The following SUPT3H variants were observed in gnomAD, a reference collection of about 807,000 sequenced individuals.
The protein encoded by SUPT3H is transcription initiation protein SPT3 homolog.
In SUPT3H, 44 loss-of-function variants were observed where a neutral mutation model predicts 44.3. That is an observed-to-expected ratio of 0.99 (90% CI 0.78 to 1.28). The LOEUF (loss-of-function observed/expected upper bound fraction) is 1.28. Among genes scored for constraint, SUPT3H ranks in the 50% most tolerant of loss-of-function variants. The pLI is 0.00. For missense variants in SUPT3H, 380 were observed against 387.1 expected (o/e 0.98, Z 0.15); for synonymous variants, 124 against 125.6 (o/e 0.99, Z 0.09).
chr6:45,147,229 T>C (rs1194596248), intron 2 of SUPT3H, among the ~76,000 whole-genome samples: 1 of 152,092 alleles, frequency 6.6e-6, no homozygotes, highest in East Asian at 1.9e-4. Flanking sequence ...TACTACATTA[T>C]ATTGTCGAGA....
At chr6:45,322,785 T>C (rs1785713855) in intron 2 of SUPT3H, 1 of 865,794 alleles carries the variant, frequency 1.2e-6, no homozygotes, top group Non-Finnish European at 2.0e-6. Context: ...AAAGGCTGTG[T>C]GTGGTCTCGC....
chr6:44,816,982 G>A (rs1325538954), intron 11 of SUPT3H, among the ~76,000 whole-genome samples: 2 of 152,062 alleles, frequency 1.3e-5, no homozygotes, highest in African/African-American at 4.8e-5. Context: ...GATGGCTTGA[G>A]CCCAGGAGTT....
chr6:44,952,300 T>C (rs1292582951), intron 9 of SUPT3H, among the ~76,000 whole-genome samples: 12 of 152,224 alleles, frequency 7.9e-5, no homozygotes, highest in Non-Finnish European at 1.6e-4. Flanking sequence ...AATCTGAAAC[T>C]GTAGGCAAAA....
intron 3 of SUPT3H, among the ~76,000 whole-genome samples, chr6:45,101,505 G>A (rs1402800389): frequency 6.6e-6 from 1 of 152,182 alleles, no homozygotes; most frequent in Non-Finnish European, 1.5e-5. Flanking sequence ...AAAGGGAAGT[G>A]GAGAGAAAGG....
At chr6:44,846,446 A>T (rs613208) in intron 10 of SUPT3H, among the ~76,000 whole-genome samples, 7,196 of 152,284 alleles carry the variant, frequency 0.047, 242 homozygotes, top group South Asian at 0.13. Flanking sequence ...GAGGAACCTC[A>T]GAGCCCTTCA....
intron 2 of SUPT3H, among the ~76,000 whole-genome samples, chr6:45,155,708 G>A (rs1407295405): frequency 6.6e-6 from 1 of 151,984 alleles, no homozygotes; most frequent in African/African-American, 2.4e-5. Flanking sequence ...GTCATGCTAC[G>A]CCTCCTTTTC....
intron 2 of SUPT3H, 82 bp downstream of exon 2, chr6:45,365,119 T>C (rs972532563): frequency 1.1e-5 from 9 of 822,368 alleles, no homozygotes; most frequent in Non-Finnish European, 1.7e-5. Context: ...AGTTAAGTTT[T>C]ATAAATGTTG....
intron 2 of SUPT3H, among the ~76,000 whole-genome samples, chr6:45,312,031 T>A (rs763745304): frequency 3.9e-5 from 6 of 152,138 alleles, no homozygotes; most frequent in Admixed American, 1.3e-4. Context: ...ACATACAGAA[T>A]TGCAGAATAG....
At chr6:45,225,934 C>T (rs1051370033) in intron 2 of SUPT3H, among the ~76,000 whole-genome samples, 20 of 152,022 alleles carry the variant, frequency 1.3e-4, no homozygotes, top group African/African-American at 4.8e-4. Context: ...AAACATGGAG[C>T]CAACTGTTTA....
intron 2 of SUPT3H, among the ~76,000 whole-genome samples, chr6:45,125,811 G>T (rs1213565891): frequency 1.5e-5 from 2 of 135,958 alleles, no homozygotes; most frequent in African/African-American, 5.9e-5. Context: ...AAGAACTATT[G>T]ACCTTAAACT....
intron 10 of SUPT3H, among the ~76,000 whole-genome samples, chr6:44,833,277 C>CAA (rs1298921437): frequency 3.3e-5 from 5 of 152,228 alleles, no homozygotes; most frequent in African/African-American, 1.2e-4. Flanking sequence ...GGTTTTGGTT[C>CAA]TATTGTCTGA....
intron 2 of SUPT3H, among the ~76,000 whole-genome samples, chr6:45,252,779 C>T (rs1029575030): frequency 6.6e-6 from 1 of 151,916 alleles, no homozygotes; most frequent in Non-Finnish European, 1.5e-5. Flanking sequence ...GGTAGAGCAA[C>T]AAGACAAATG....
intron 2 of SUPT3H, among the ~76,000 whole-genome samples, chr6:45,175,974 AT>A (rs552858177): frequency 1.2e-3 from 176 of 152,284 alleles, no homozygotes; most frequent in African/African-American, 4.0e-3. Context: ...TATCTCCAAT[AT>A]AACTGAATTT....
intron 10 of SUPT3H, among the ~76,000 whole-genome samples, chr6:44,865,394 G>A (rs561212067): frequency 1.4e-4 from 22 of 151,882 alleles, no homozygotes; most frequent in Middle Eastern, 3.4e-3. Flanking sequence ...CCCACTCCTG[G>A]TACCCATTTA....
intron 10 of SUPT3H, among the ~76,000 whole-genome samples, chr6:44,830,943 A>G (rs191997214): frequency 3.8e-4 from 58 of 151,602 alleles, no homozygotes; most frequent in Admixed American, 3.1e-3. Flanking sequence ...CTATGGAGGC[A>G]GTGAAATCTT....
chr6:45,051,999 C>T (rs553798725), intron 3 of SUPT3H, among the ~76,000 whole-genome samples: 17 of 152,182 alleles, frequency 1.1e-4, no homozygotes, highest in African/African-American at 1.7e-4. Context: ...GGATCATGCA[C>T]ATGGCTACTG....
intron 2 of SUPT3H, among the ~76,000 whole-genome samples, chr6:45,339,272 G>A (rs758587829): frequency 6.6e-6 from 1 of 152,060 alleles, no homozygotes; most frequent in Non-Finnish European, 1.5e-5. Flanking sequence ...ATTACCTGGG[G>A]AGTAAGTCTT....
At chr6:45,162,219 T>C (rs1809107292) in intron 2 of SUPT3H, among the ~76,000 whole-genome samples, 1 of 151,666 alleles carries the variant, frequency 6.6e-6, no homozygotes, top group Non-Finnish European at 1.5e-5. Flanking sequence ...ATGAGACTCA[T>C]TAAAAAAAGA....
chr6:44,850,423 G>A (rs1238849521), intron 10 of SUPT3H, among the ~76,000 whole-genome samples: 1 of 152,140 alleles, frequency 6.6e-6, no homozygotes, highest in Non-Finnish European at 1.5e-5. Flanking sequence ...AAATCCAGAT[G>A]TATGTTTTTT....
Sources: gnomAD v4.1 joint callset for allele counts (sites outside exome capture counted in the v4.1 genomes callset) on GRCh38, gnomAD v4.1.1 for gene constraint, MANE v1.5 for transcripts, NCBI Gene and HGNC (gene_info 2026-07-23, HGNC 2026-07-21) for gene names.